The following DNAH7 variants were observed in gnomAD, a reference collection of about 807,000 sequenced individuals.
The protein encoded by DNAH7 is dynein axonemal heavy chain 7.
DNAH7 carries 397 observed loss-of-function variants against 444.6 expected under a neutral mutation model. That is an observed-to-expected ratio of 0.89 (90% CI 0.82 to 0.97). DNAH7 has a LOEUF of 0.97. Ranked by LOEUF, DNAH7 falls within the 50% of genes least tolerant of loss-of-function variation. The pLI is 0.00. For missense variants in DNAH7, 4,902 were observed against 4,800.8 expected (o/e 1.02, Z -0.62); for synonymous variants, 1,636 against 1,624.4 (o/e 1.01, Z -0.17).
intron 27 of DNAH7, among the ~76,000 whole-genome samples, chr2:195,906,130 T>A (rs936387197): frequency 1.3e-5 from 2 of 152,080 alleles, no homozygotes; most frequent in East Asian, 1.9e-4. Context: ...GTTTCCAGCA[T>A]TGTAAAAAGG....
At chr2:195,748,135 T>A (rs372688011) in intron 63 of DNAH7, among the ~76,000 whole-genome samples, 4 of 152,140 alleles carry the variant, frequency 2.6e-5, no homozygotes, top group African/African-American at 7.2e-5. Context: ...ACTTCAGCAA[T>A]GTCTCAGGAT....
chr2:195,912,989 A>G (rs925090509), intron 24 of DNAH7, among the ~76,000 whole-genome samples: 2 of 152,188 alleles, frequency 1.3e-5, no homozygotes, highest in Non-Finnish European at 2.9e-5. Context: ...TATTATTTTA[A>G]AAAATGACAC....
At chr2:195,890,813 C>T (rs1289439106) in intron 31 of DNAH7, among the ~76,000 whole-genome samples, 1 of 152,176 alleles carries the variant, frequency 6.6e-6, no homozygotes, top group African/African-American at 2.4e-5. Context: ...TTACCTGACT[C>T]ATGAGTCATG....
At chr2:195,948,153 G>A (rs1371104232) in intron 19 of DNAH7, among the ~76,000 whole-genome samples, 1 of 151,694 alleles carries the variant, frequency 6.6e-6, no homozygotes, top group Non-Finnish European at 1.5e-5. Flanking sequence ...TTTTTTTCTT[G>A]TAAATTGGCT....
intron 14 of DNAH7, 62 bp downstream of exon 14, chr2:195,987,004 G>T: frequency 7.1e-7 from 1 of 1,407,084 alleles, no homozygotes; most frequent in South Asian, 1.6e-5. Flanking sequence ...CTAGTTGAGT[G>T]ACAGCTGATT....
At chr2:196,002,151 T>C (rs1387698819) in intron 10 of DNAH7, among the ~76,000 whole-genome samples, 2 of 152,218 alleles carry the variant, frequency 1.3e-5, no homozygotes, top group Admixed American at 6.5e-5. Flanking sequence ...GAACTAACTT[T>C]ACTGGATATT....
intron 61 of DNAH7, among the ~76,000 whole-genome samples, chr2:195,771,114 T>C (rs1694816552): frequency 2.0e-5 from 3 of 151,812 alleles, no homozygotes; most frequent in Admixed American, 2.0e-4. Context: ...TTGAGCCCAG[T>C]TCAAAACCAG....
intron 48 of DNAH7, among the ~76,000 whole-genome samples, chr2:195,830,315 T>C (rs1312658759): frequency 6.6e-6 from 1 of 152,232 alleles, no homozygotes; most frequent in African/African-American, 2.4e-5. Flanking sequence ...ACAGTTATCC[T>C]TAGCAACAGA....
chr2:196,063,934 AAAGTAGT>A (rs1698274793), intron 1 of DNAH7: 1 of 152,226 alleles, frequency 6.6e-6, no homozygotes, highest in Admixed American at 6.5e-5. Flanking sequence ...CCCTGACATG[AAAGTAGT>A]AGAGCTTGGG....
intron 12 of DNAH7, among the ~76,000 whole-genome samples, chr2:195,996,745 A>G (rs1469411933): frequency 1.3e-5 from 2 of 152,162 alleles, no homozygotes; most frequent in African/African-American, 4.8e-5. Flanking sequence ...TCTTAAATAT[A>G]CATATGCTCT....
Position 195,960,311 on chromosome 2 carries a change from G to A in DNAH7, c.2840C>T (p.Thr947Ile), listed in dbSNP as rs767641249. Residue 947 changes from threonine (T) to isoleucine (I), a missense_variant, in exon 18 of 65, where the codon ACA becomes ATA. Physicochemically the swap from Thr to Ile is moderately conservative, Grantham distance 89 (BLOSUM62 -1). Transcript: ENST00000312428. ...GAAAGGAGATCCTCGCATAGTTTGT[G>A]TTTTAATAATATGGTCATCCAACAA... The part of the protein sequence containing the change: ...QMLLDDHIIK[T>I]QTMRGSPFIK... 3.7e-6 allele frequency: 6 copies of A among 1,613,762 alleles called. No homozygotes were observed. Among genetic ancestry groups the A allele is most frequent in the Admixed American group, 3.3e-5 (2 of 60,004 alleles).
At chr2:196,038,785 TAAAGGAGGTCATTATATAATGA>T (rs1185195379) in intron 5 of DNAH7, among the ~76,000 whole-genome samples, 1 of 152,018 alleles carries the variant, frequency 6.6e-6, no homozygotes, top group Non-Finnish European at 1.5e-5. Flanking sequence ...TAAAAAGAGA[TAAAGGAGGTCATTATATAATGA>T]AAAGGGATCA....
intron 57 of DNAH7, among the ~76,000 whole-genome samples, chr2:195,791,236 G>A (rs1028704860): frequency 4.6e-5 from 7 of 152,090 alleles, no homozygotes; most frequent in African/African-American, 1.7e-4. Context: ...GGGAGGTGAA[G>A]GCGCGTGGAT....
At chr2:195,860,799 G>C (rs2125076131) in intron 42 of DNAH7, among the ~76,000 whole-genome samples, 1 of 152,118 alleles carries the variant, frequency 6.6e-6, no homozygotes, top group Middle Eastern at 3.4e-3. Flanking sequence ...ATCTTTAAAA[G>C]AATTTGGTCT....
At chr2:195,776,149 A>T (rs1280598149) in intron 59 of DNAH7, among the ~76,000 whole-genome samples, 166 bp from the exon 60 acceptor site, 2 of 152,212 alleles carry the variant, frequency 1.3e-5, no homozygotes, top group East Asian at 3.8e-4. Flanking sequence ...AAAGTTTAAA[A>T]AAAAATATGA....
At chr2:195,764,699 T>TA (rs1057300392) in intron 61 of DNAH7, among the ~76,000 whole-genome samples, 3 of 151,756 alleles carry the variant, frequency 2.0e-5, no homozygotes, top group African/African-American at 7.3e-5. Flanking sequence ...ACCTCTATGA[T>TA]AAAAACTATA....
intron 24 of DNAH7, among the ~76,000 whole-genome samples, chr2:195,910,967 A>G (rs1441083677): frequency 6.6e-6 from 1 of 152,184 alleles, no homozygotes; most frequent in Non-Finnish European, 1.5e-5. Context: ...TTTGTTCTGA[A>G]CCAGAAAAAA....
intron 14 of DNAH7, among the ~76,000 whole-genome samples, chr2:195,985,524 G>A (rs1692848568): frequency 6.6e-6 from 1 of 152,188 alleles, no homozygotes; most frequent in South Asian, 2.1e-4. Context: ...TCTGCCCTCT[G>A]AGTAGGTGGG....
chr2:195,738,935 C>T (rs1386114738), intron 64 of DNAH7, among the ~76,000 whole-genome samples: 1 of 152,170 alleles, frequency 6.6e-6, no homozygotes, highest in Non-Finnish European at 1.5e-5. Flanking sequence ...CTATTTCTCC[C>T]ACTTAACTGT....
Sources: allele counts gnomAD v4.1 joint callset (sites outside exome capture counted in the v4.1 genomes callset), GRCh38; gene constraint gnomAD v4.1.1; transcripts MANE v1.5; gene names NCBI Gene and HGNC (gene_info 2026-07-23, HGNC 2026-07-21).